The following SLC30A8 variants were observed in gnomAD, a reference collection of about 807,000 sequenced individuals.
The protein encoded by SLC30A8 is solute carrier family 30 member 8.
SLC30A8 carries 27 observed loss-of-function variants against 36.9 expected under a neutral mutation model. The observed-to-expected ratio is 0.73, with a 90% CI of 0.54 to 1.01. The LOEUF is 1.01. Among genes scored for constraint, SLC30A8 ranks in the 50% least tolerant of loss-of-function variants. The probability of loss-of-function intolerance (pLI) is 0.00; values close to 1 mark genes in which losing one functional copy is unlikely to be tolerated. For missense variants in SLC30A8, 439 were observed against 452.0 expected, an observed-to-expected ratio of 0.97 and a Z score of 0.26; for synonymous variants, 164 against 172.4, an observed-to-expected ratio of 0.95 and a Z score of 0.38.
At position 117,071,209 on chromosome 8, in the gene SLC30A8, T is replaced by C. The variant is rs115677569; in HGVS notation, c.-226+31951T>C. Among the ~76,000 whole-genome samples the C allele has an allele frequency of 3.0e-3, 444 of 150,138 alleles. 1 individual carries two copies. Among genetic ancestry groups the C allele is most frequent in the African/African-American group, 9.9e-3 (408 of 41,418 alleles). ...TTCTCCATATCCTCTTCAACACTTATTGTCCATTTTTTTGTTGTTGTTGAG... is the reference window on the plus strand; with the variant it reads ...TTCTCCATATCCTCTTCAACACTTACTGTCCATTTTTTTGTTGTTGTTGAG... On this transcript the variant is annotated intron_variant, in intron 2 of 10. Transcript: ENST00000427715.
intron 2 of SLC30A8, among the ~76,000 whole-genome samples, chr8:117,102,746 C>G (rs1819782569): frequency 6.6e-6 from 1 of 152,144 alleles, no homozygotes; most frequent in Non-Finnish European, 1.5e-5. Context: ...CTGTGTGTTT[C>G]TGTATCCAAA....
chr8:116,964,342 A>G (rs1814527279), intron 1 of SLC30A8, among the ~76,000 whole-genome samples: 1 of 152,260 alleles, frequency 6.6e-6, no homozygotes. Flanking sequence ...TTTAAAGCAG[A>G]AGCAAAAGCG....
chr8:116,950,728 C>T (rs1813965997), upstream of SLC30A8, among the ~76,000 whole-genome samples: 1 of 152,144 alleles, frequency 6.6e-6, no homozygotes, highest in Non-Finnish European at 1.5e-5. Context: ...ACTTTTCATG[C>T]TAAGAAATAT....
intron 2 of SLC30A8, among the ~76,000 whole-genome samples, chr8:117,078,112 ATGAT>A (rs1321935731): frequency 1.3e-5 from 2 of 152,254 alleles, no homozygotes; most frequent in East Asian, 3.8e-4. Context: ...ATAAAAATCT[ATGAT>A]TAATTAAGCC....
At chr8:116,974,673 C>A (rs1344432034) in intron 1 of SLC30A8, among the ~76,000 whole-genome samples, 1 of 152,088 alleles carries the variant, frequency 6.6e-6, no homozygotes, top group African/African-American at 2.4e-5. Context: ...TTGACCCAGC[C>A]ATCCCATTAC....
intron 2 of SLC30A8, among the ~76,000 whole-genome samples, chr8:117,045,739 G>T (rs1206759907): frequency 1.4e-4 from 21 of 152,328 alleles, no homozygotes; most frequent in African/African-American, 4.8e-4. Context: ...GGCCAGTGCA[G>T]AGCTGTGAGG....
chr8:117,147,177 T>C (rs772307654), intron 2 of SLC30A8, 24 bp downstream of exon 2: 1 of 1,604,900 alleles, frequency 6.2e-7, no homozygotes, highest in Non-Finnish European at 8.5e-7. Flanking sequence ...CAGACTTTTT[T>C]CATTAAACAA....
At chr8:117,036,292 T>C (rs141880773) in intron 1 of SLC30A8, among the ~76,000 whole-genome samples, 5,655 of 152,266 alleles carry the variant, frequency 0.037, 144 homozygotes, top group South Asian at 0.074. Flanking sequence ...AACAAATCTC[T>C]AGGAAGTTCC....
At chr8:117,005,408 C>T (rs549737673) in intron 1 of SLC30A8, among the ~76,000 whole-genome samples, 3 of 152,298 alleles carry the variant, frequency 2.0e-5, no homozygotes, top group African/African-American at 4.8e-5. Context: ...AGTGTTTCAT[C>T]AATTTTTATT....
At chr8:116,977,688 G>C (rs1380039984) in intron 1 of SLC30A8, among the ~76,000 whole-genome samples, 1 of 151,562 alleles carries the variant, frequency 6.6e-6, no homozygotes, top group African/African-American at 2.4e-5. Flanking sequence ...ATTTTTGTAT[G>C]TTAAGTAGAG....
intron 1 of SLC30A8, among the ~76,000 whole-genome samples, chr8:116,956,958 A>T (rs932760781): frequency 6.6e-6 from 1 of 152,210 alleles, no homozygotes; most frequent in Admixed American, 6.5e-5. Flanking sequence ...TTCATTTAAT[A>T]AGTGACATGT....
intron 2 of SLC30A8, among the ~76,000 whole-genome samples, chr8:117,105,989 C>A (rs557237782): frequency 1.3e-5 from 2 of 152,144 alleles, no homozygotes; most frequent in Non-Finnish European, 2.9e-5. Context: ...TTTCAATGTA[C>A]ATCATACTTT....
intron 2 of SLC30A8, among the ~76,000 whole-genome samples, chr8:117,116,198 C>T (rs961822653): frequency 6.6e-6 from 1 of 151,904 alleles, no homozygotes. Context: ...TATAGGTAGG[C>T]AGTGATGGCA....
Position 117,039,533 on chromosome 8 carries a change from G to A in SLC30A8, c.-226+275G>A, listed in dbSNP as rs28549136. Among the ~76,000 whole-genome samples the A allele has an allele frequency of 5.3e-3, 812 of 152,176 alleles. 6 individuals are homozygous for A. Among genetic ancestry groups the A allele is most frequent in the African/African-American group, 0.018 (756 of 41,514 alleles). ...AATCCTTTTTGATACCTGTAGTCAC[G>A]TTAGGCTCTGCCCCATACTTTATAC... On this transcript the variant is annotated intron_variant, in intron 2 of 10. Transcript: ENST00000427715.
intron 2 of SLC30A8, among the ~76,000 whole-genome samples, chr8:117,049,807 C>A (rs905361439): frequency 4.6e-5 from 7 of 152,146 alleles, no homozygotes; most frequent in African/African-American, 1.7e-4. Context: ...ACGAGAATGG[C>A]CCACAGTGAT....
At position 116,976,618 on chromosome 8, in the gene SLC30A8, A is replaced by G. The variant is rs147000477; in HGVS notation, c.-266+25499A>G. On this transcript the variant is annotated intron_variant, in intron 1 of 10. Coordinates refer to the SLC30A8 transcript ENST00000427715. Reference sequence around the variant, plus strand: ...GCTGGGGCTACAGAGACTAACTGATAAAGAGGGCTCTTCCAGAGGGCAAAG... The same window carrying G: ...GCTGGGGCTACAGAGACTAACTGATGAAGAGGGCTCTTCCAGAGGGCAAAG... Among the ~76,000 whole-genome samples, 293 of 152,180 alleles carry G rather than the reference A, an allele frequency of 1.9e-3. 1 individual carries two copies. Among genetic ancestry groups the G allele is most frequent in the Middle Eastern group, 6.8e-3 (2 of 292 alleles).
intron 2 of SLC30A8, among the ~76,000 whole-genome samples, chr8:117,099,816 C>T (rs1031444609): frequency 6.6e-6 from 1 of 152,134 alleles, no homozygotes; most frequent in Non-Finnish European, 1.5e-5. Context: ...AATGAGATGA[C>T]ATGTATTGTT....
chr8:117,107,846 A>G (rs944254599), intron 2 of SLC30A8, among the ~76,000 whole-genome samples: 3 of 152,164 alleles, frequency 2.0e-5, no homozygotes, highest in Middle Eastern at 6.3e-3. Context: ...TTGGGTAACT[A>G]TTTTATTTTT....
rs779578683 is a variant in SLC30A8 at position 117,161,762 on chromosome 8, A to T, written c.597A>T (p.Arg199Ser). 1 of 1,613,664 alleles carries T rather than the reference A, an allele frequency of 6.2e-7. No homozygotes were observed. Among genetic ancestry groups the T allele is most frequent in the Non-Finnish European group, 8.5e-7 (1 of 1,179,722 alleles). ...GACTAACTGTGGTTTTGCACCAGAG[A>T]TGCCTTGGCCACAATCACAAGGAAG... ...NIVLTVVLHQRCLGHNHKEVQ... is the reference protein window; with the variant it reads ...NIVLTVVLHQSCLGHNHKEVQ... Residue 199 changes from arginine (R) to serine (S), a missense_variant, in exon 5 of 8, where the codon AGA becomes AGT. By Grantham distance (110) the Arg-to-Ser change is moderately radical. Transcript: ENST00000456015.
Sources: allele counts gnomAD v4.1 joint callset (sites outside exome capture counted in the v4.1 genomes callset), GRCh38; gene constraint gnomAD v4.1.1; transcripts MANE v1.5; gene names NCBI Gene and HGNC (gene_info 2026-07-23, HGNC 2026-07-21).